LIPA: variants seen among roughly 807,000 people sequenced by gnomAD.
LIPA encodes lipase A, lysosomal acid type.
A neutral mutation model predicts 40.6 loss-of-function variants in LIPA; 26 were observed. The ratio of observed to expected loss-of-function variants is 0.64; its 90% CI spans 0.47 to 0.89. The LOEUF (loss-of-function observed/expected upper bound fraction) is 0.89. Ranked by LOEUF, LIPA falls within the 40% of genes least tolerant of loss-of-function variation. The pLI, the probability that LIPA is intolerant of heterozygous loss-of-function variation, is 0.00. For synonymous variants in LIPA, 188 were observed against 168.4 expected (o/e 1.12, Z -0.90); for missense variants, 455 against 479.6 (o/e 0.95, Z 0.48).
intron 2 of LIPA, among the ~76,000 whole-genome samples, chr10:89,381,405 C>A (rs1844162213): frequency 6.6e-6 from 1 of 152,130 alleles, no homozygotes; most frequent in South Asian, 2.1e-4. Flanking sequence ...GCATATGTCC[C>A]ACACACACCC....
intron 1 of LIPA, among the ~76,000 whole-genome samples, chr10:89,304,966 C>G (rs1843469437): frequency 1.4e-5 from 2 of 147,752 alleles, no homozygotes; most frequent in Admixed American, 1.4e-4. Context: ...ATTATAAAAG[C>G]AAAACCCAGA....
chr10:89,351,797 C>T (rs1018562960), intron 2 of LIPA, among the ~76,000 whole-genome samples: 9 of 152,162 alleles, frequency 5.9e-5, no homozygotes, highest in Admixed American at 3.3e-4. Flanking sequence ...TCAAAAAATA[C>T]GCGCATCACC....
rs1261613499 is a variant in LIPA at position 89,222,554 on chromosome 10, G to A, written c.851C>T (p.Ser284Phe). ...GTTTTGCACAGAAGTTCCAGCAGGA[G>A]AATGTGTTGTATATACATCCACTCT... ...MSRVDVYTTH[S>F]PAGTSVQNML... is the part of the protein sequence containing the mutation. Residue 284 changes from serine (S) to phenylalanine (F), a missense_variant, in exon 8 of 10, where the codon TCT (serine) becomes TTT (phenylalanine). By Grantham distance (155) the Ser-to-Phe change is radical (BLOSUM62 -2). Coordinates refer to ENST00000336233, the MANE Select transcript of LIPA (RefSeq NM_000235.4). The A allele has an allele frequency of 1.9e-6, 3 of 1,609,212 alleles. No homozygotes were observed. The highest frequency in any genetic ancestry group is 1.1e-5 in the South Asian group (1 of 91,004).
chr10:89,399,672 C>T (rs1285378122), intron 2 of LIPA, among the ~76,000 whole-genome samples: 1 of 152,172 alleles, frequency 6.6e-6, no homozygotes, highest in Non-Finnish European at 1.5e-5. Context: ...GAAAATCATT[C>T]CACCATTGTT....
At chr10:89,401,778 TA>T (rs914535888) in intron 2 of LIPA, among the ~76,000 whole-genome samples, 64 of 91,370 alleles carry the variant, frequency 7.0e-4, no homozygotes, top group African/African-American at 1.8e-3. Context: ...TATTTCCAAG[TA>T]AAAAAAAAAT....
At chr10:89,374,222 A>C (rs1214002441) in intron 2 of LIPA, among the ~76,000 whole-genome samples, 1 of 152,198 alleles carries the variant, frequency 6.6e-6, no homozygotes, top group African/African-American at 2.4e-5. Flanking sequence ...ATAGTGGTTA[A>C]GTTTTATTTC....
At chr10:89,302,862 A>G (rs965169682) in intron 1 of LIPA, among the ~76,000 whole-genome samples, 10 of 152,018 alleles carry the variant, frequency 6.6e-5, no homozygotes, top group South Asian at 2.1e-4. Context: ...TGGTTGCCTA[A>G]CCCTCATCCT....
chr10:89,300,996 A>G (rs566254408), intron 1 of LIPA, among the ~76,000 whole-genome samples: 18 of 152,302 alleles, frequency 1.2e-4, no homozygotes, highest in Middle Eastern at 3.4e-3. Context: ...TTGGTTAACG[A>G]TTTTAGTTAA....
At chr10:89,348,712 T>A (rs1186276084) in intron 2 of LIPA, among the ~76,000 whole-genome samples, 1 of 152,224 alleles carries the variant, frequency 6.6e-6, no homozygotes, top group Non-Finnish European at 1.5e-5. Flanking sequence ...TATTACCTTC[T>A]TGCTTATCAG....
At chr10:89,368,388 A>T (rs1254370644) in intron 2 of LIPA, among the ~76,000 whole-genome samples, 1 of 152,206 alleles carries the variant, frequency 6.6e-6, no homozygotes, top group East Asian at 1.9e-4. Context: ...GCTTTAGCCC[A>T]AACAGATCAG....
intron 8 of LIPA, among the ~76,000 whole-genome samples, chr10:89,216,911 G>A (rs1268133871): frequency 2.0e-5 from 3 of 152,134 alleles, no homozygotes; most frequent in Non-Finnish European, 4.4e-5. Flanking sequence ...TAATCACCAA[G>A]TAGTACTGCA....
At chr10:89,379,422 A>G (rs925182692) in intron 2 of LIPA, among the ~76,000 whole-genome samples, 1 of 152,176 alleles carries the variant, frequency 6.6e-6, no homozygotes, top group African/African-American at 2.4e-5. Flanking sequence ...ATGTTAGAAA[A>G]TAAGAAATTT....
intron 2 of LIPA, among the ~76,000 whole-genome samples, chr10:89,374,146 A>T (rs1844107702): frequency 1.3e-5 from 2 of 152,208 alleles, no homozygotes; most frequent in South Asian, 4.1e-4. Flanking sequence ...GAGGAAACTC[A>T]GTGTTTAAGT....
Position 89,383,231 on chromosome 10 carries a change from G to A in LIPA, c.61+29560C>T, listed in dbSNP as rs1458750419. 7.0e-6 allele frequency: 8 copies of A among 1,146,748 alleles called. No individual in the cohort carries two copies. In the South Asian group the frequency reaches 1.0e-4, roughly 15 times the overall value. The allele number at this position is 1,146,748 out of a possible 1,614,324, so 71.0% of individuals were successfully genotyped here. On this transcript the variant is annotated intron_variant, in intron 2 of 8. Coordinates refer to the LIPA transcript ENST00000371837. ...ATGGAGGCAGGGAAATTAGGATAGAGCATATTTGACTATTTGAAGTGCTGG... is the reference window on the plus strand; with the variant it reads ...ATGGAGGCAGGGAAATTAGGATAGAACATATTTGACTATTTGAAGTGCTGG...
intron 1 of LIPA, among the ~76,000 whole-genome samples, chr10:89,299,593 A>C (rs1409343647): frequency 1.3e-5 from 2 of 152,196 alleles, no homozygotes; most frequent in African/African-American, 4.8e-5. Context: ...AGAAAATTTT[A>C]AAGACAGCAA....
chr10:89,365,975 C>A (rs186704902), intron 2 of LIPA, among the ~76,000 whole-genome samples: 2,683 of 152,228 alleles, frequency 0.018, 38 homozygotes, highest in African/African-American at 0.043. Context: ...TAGTTTCTTC[C>A]AATTCTGTGA....
At chr10:89,271,591 C>G (rs1008807694) in intron 1 of LIPA, among the ~76,000 whole-genome samples, 1 of 152,148 alleles carries the variant, frequency 6.6e-6, no homozygotes, top group African/African-American at 2.4e-5. Flanking sequence ...TGGGGTGCCT[C>G]TTTGTATTTC....
chr10:89,229,730 G>A (rs1441065271), intron 3 of LIPA, among the ~76,000 whole-genome samples: 1 of 149,062 alleles, frequency 6.7e-6, no homozygotes, highest in Admixed American at 6.6e-5. Flanking sequence ...TCCAGCCTAG[G>A]GGACAGAGGG....
intron 1 of LIPA, among the ~76,000 whole-genome samples, chr10:89,321,004 T>C (rs1208481343): frequency 6.6e-6 from 1 of 152,084 alleles, no homozygotes; most frequent in Non-Finnish European, 1.5e-5. Context: ...CTGGGAAAAC[T>C]GGCTAGCCAT....
Sources: allele counts gnomAD v4.1 joint callset (sites outside exome capture counted in the v4.1 genomes callset), GRCh38; gene constraint gnomAD v4.1.1; transcripts MANE v1.5; gene names NCBI Gene and HGNC (gene_info 2026-07-23, HGNC 2026-07-21).